TUSC3: variants seen among roughly 807,000 people sequenced by gnomAD.
TUSC3 encodes tumor suppressor candidate 3.
Under a neutral mutation model 44.8 loss-of-function variants are expected in TUSC3, and 45 were observed. The ratio of observed to expected loss-of-function variants is 1.00; its 90% CI spans 0.79 to 1.29. The LOEUF (loss-of-function observed/expected upper bound fraction) is 1.29. TUSC3 is among the 50% of genes most tolerant of loss of function. The pLI is 0.00. For synonymous variants in TUSC3, 212 were observed against 152.9 expected (o/e 1.39, Z -2.85); for missense variants, 519 against 437.9 (o/e 1.19, Z -1.65).
Position 15,467,132 on chromosome 8 carries a change from T to TA in TUSC3, n.92-16250dup, listed in dbSNP as rs1048497329. Among the ~76,000 whole-genome samples the TA allele has an allele frequency of 3.9e-5, 6 of 152,160 alleles. 1 individual carries two copies. Among genetic ancestry groups the TA allele is most frequent in the African/African-American group, 1.4e-4 (6 of 41,512 alleles). On this transcript the variant is annotated intron_variant and non_coding_transcript_variant, in intron 1 of 5. Coordinates refer to the TUSC3 transcript ENST00000503191. ...TTCAGAAAGGAGGCATAAATGTTAT[T>TA]AAAATTACTAAAACCTGTGATTAAA...
At position 15,681,427 on chromosome 8, in the gene TUSC3, C is replaced by G. The variant is rs533608311; in HGVS notation, c.798+7591C>G. 4.6e-5 allele frequency among the ~76,000 whole-genome samples: 7 copies of G among 152,044 alleles called. No homozygotes were observed. In the South Asian group the frequency reaches 8.3e-4, roughly 18 times the overall value. On this transcript the variant is annotated intron_variant, in intron 6 of 10. Transcript: ENST00000503731. Reference sequence around the variant, plus strand: ...AGAGTGTATGTTTCCAGGAATTCATCCATTTACTCTAGATTTTCTAGTTTT... The same window carrying G: ...AGAGTGTATGTTTCCAGGAATTCATGCATTTACTCTAGATTTTCTAGTTTT...
At chr8:15,770,735 G>C (rs1812427036), downstream of TUSC3, among the ~76,000 whole-genome samples, 1 of 152,112 alleles carries the variant, frequency 6.6e-6, no homozygotes, top group Non-Finnish European at 1.5e-5. Context: ...AAATGATCCA[G>C]TCTGAGGAGG....
chr8:15,439,528 G>C lies in TUSC3; in HGVS notation n.91+22223G>C, dbSNP rs542364066. Among the ~76,000 whole-genome samples the C allele has an allele frequency of 1.2e-4, 19 of 152,176 alleles. 1 individual carries two copies. The highest frequency in any genetic ancestry group is 4.3e-4 in the African/African-American group (18 of 41,436). On this transcript the variant is annotated intron_variant and non_coding_transcript_variant, in intron 1 of 5. Transcript: ENST00000503191. Reference sequence around the variant, plus strand: ...ACCGTGGTTACACCACTGCCCTCCAGCCTGGGTGACAGAGCAAGACCCTGT... The same window carrying C: ...ACCGTGGTTACACCACTGCCCTCCACCCTGGGTGACAGAGCAAGACCCTGT...
intron 2 of TUSC3, among the ~76,000 whole-genome samples, chr8:15,531,709 A>G (rs1801452220): frequency 6.6e-6 from 1 of 152,220 alleles, no homozygotes; most frequent in African/African-American, 2.4e-5. Flanking sequence ...GGTAACTCAG[A>G]TAACTTCCAC....
chr8:15,475,624 C>T (rs190750024), intron 1 of TUSC3, among the ~76,000 whole-genome samples: 1 of 152,086 alleles, frequency 6.6e-6, no homozygotes, highest in Non-Finnish European at 1.5e-5. Context: ...AACTGGAGCT[C>T]TAGAATAGTT....
chr8:15,561,963 T>C (rs1802490302), intron 1 of TUSC3, among the ~76,000 whole-genome samples: 1 of 151,966 alleles, frequency 6.6e-6, no homozygotes, highest in African/African-American at 2.4e-5. Context: ...ATCACCATCT[T>C]CTGCGTTGCT....
chr8:15,478,671 C>A (rs763149060), intron 1 of TUSC3, among the ~76,000 whole-genome samples: 1 of 152,090 alleles, frequency 6.6e-6, no homozygotes, highest in African/African-American at 2.4e-5. Flanking sequence ...TTTCTTTATC[C>A]AGGCTATTAC....
rs539969333 is a variant in TUSC3 at position 15,704,223 on chromosome 8, G to T, written c.799-26443G>T. 2.7e-5 allele frequency among the ~76,000 whole-genome samples: 4 copies of T among 149,184 alleles called. No individual in the cohort carries two copies. The East Asian group carries it at 8.0e-4, about 30-fold the overall frequency. The stretch of plus-strand genomic sequence containing the variant: ...AGTATCGGAAGATGGAACAGCAAGT[G>T]CAAAGGCCCCAAAATGGAAACATTC... On this transcript the variant is annotated intron_variant, in intron 6 of 10. Transcript: ENST00000503731.
At chr8:15,518,319 C>G (rs903162479) in intron 2 of TUSC3, among the ~76,000 whole-genome samples, 2 of 151,996 alleles carry the variant, frequency 1.3e-5, no homozygotes, top group African/African-American at 4.8e-5. Context: ...TTGCTATAAT[C>G]TCAAATTATA....
rs532188390 is a variant in TUSC3 at position 15,549,822 on chromosome 8, G to A, written c.138+9254G>A. Among the ~76,000 whole-genome samples, 14 of 151,742 alleles carry A rather than the reference G, an allele frequency of 9.2e-5. 2 individuals are homozygous for A. In the South Asian group the frequency reaches 2.5e-3, roughly 27 times the overall value. On this transcript the variant is annotated intron_variant, in intron 1 of 10. Transcript: ENST00000503731. ...GAGGAAGGATGGCTGAATCAAGGTT[G>A]AATACTACCATGATGGTGTAGCAGG...
At chr8:15,762,273 A>C (rs1296347907) in intron 10 of TUSC3, among the ~76,000 whole-genome samples, 1 of 152,052 alleles carries the variant, frequency 6.6e-6, no homozygotes. Flanking sequence ...GAAGTACTCT[A>C]ATTGTCCTAC....
At chr8:15,741,038 A>G (rs1811171932) in intron 7 of TUSC3, among the ~76,000 whole-genome samples, 1 of 152,182 alleles carries the variant, frequency 6.6e-6, no homozygotes, top group South Asian at 2.1e-4. Flanking sequence ...AGTAAAAATG[A>G]TATGAAGATA....
chr8:15,612,710 C>G (rs1240348835), intron 1 of TUSC3, among the ~76,000 whole-genome samples: 2 of 152,134 alleles, frequency 1.3e-5, no homozygotes, highest in Non-Finnish European at 2.9e-5. Flanking sequence ...ACCTTCTAAC[C>G]TTTGTTTTTT....
At chr8:15,469,657 A>G (rs1182258246) in intron 1 of TUSC3, among the ~76,000 whole-genome samples, 1 of 152,220 alleles carries the variant, frequency 6.6e-6, no homozygotes, top group African/African-American at 2.4e-5. Flanking sequence ...ATTTACCCAA[A>G]TGAATTGAAA....
intron 6 of TUSC3, among the ~76,000 whole-genome samples, chr8:15,674,443 G>C (rs1007325418): frequency 2.0e-5 from 3 of 151,928 alleles, no homozygotes; most frequent in Non-Finnish European, 4.4e-5. Flanking sequence ...GACAGTATTA[G>C]GATAGTGAAG....
the TUSC3 span, among the ~76,000 whole-genome samples, chr8:15,841,184 C>T: frequency 5.9e-5 from 9 of 151,416 alleles, no homozygotes; most frequent in South Asian, 2.1e-4. Context: ...TATATATATA[C>T]ACACACACAT....
At chr8:15,729,782 A>G (rs1810643079) in intron 6 of TUSC3, among the ~76,000 whole-genome samples, 1 of 152,118 alleles carries the variant, frequency 6.6e-6, no homozygotes, top group Non-Finnish European at 1.5e-5. Flanking sequence ...CTGGGAGACA[A>G]AATCATTTGT....
intron 1 of TUSC3, among the ~76,000 whole-genome samples, chr8:15,593,341 C>T (rs1803933412): frequency 6.6e-6 from 1 of 152,162 alleles, no homozygotes. Context: ...CCGCTTCGGC[C>T]TCCCAAAGTG....
At chr8:15,839,489 TAATATC>T in the TUSC3 span, among the ~76,000 whole-genome samples, 1 of 151,216 alleles carries the variant, frequency 6.6e-6, no homozygotes, top group South Asian at 2.2e-4. Context: ...GACAAAGGGC[TAATATC>T]CAGAATCTAC....
Sources: allele counts gnomAD v4.1 joint callset (sites outside exome capture counted in the v4.1 genomes callset), GRCh38; gene constraint gnomAD v4.1.1; transcripts MANE v1.5; gene names NCBI Gene and HGNC (gene_info 2026-07-23, HGNC 2026-07-21).